The following ARHGEF11 variants were observed in gnomAD, a reference collection of about 807,000 sequenced individuals.
The protein encoded by ARHGEF11 is Rho guanine exchange factor (GEF) 11.
A neutral mutation model predicts 193.7 loss-of-function variants in ARHGEF11; 55 were observed. The observed-to-expected ratio is 0.28, with a 90% CI of 0.23 to 0.36. The LOEUF (loss-of-function observed/expected upper bound fraction) is 0.36. Among genes scored for constraint, ARHGEF11 ranks in the 10% least tolerant of loss-of-function variants. ARHGEF11 has a pLI of 1.00. For synonymous variants in ARHGEF11, 693 were observed against 768.0 expected (o/e 0.90, Z 1.62); for missense variants, 1,723 against 2,005.6 (o/e 0.86, Z 2.69).
intron 13 of ARHGEF11, among the ~76,000 whole-genome samples, chr1:156,962,063 C>T (rs944391785): frequency 3.3e-5 from 5 of 152,320 alleles, no homozygotes; most frequent in Non-Finnish European, 4.4e-5. Context: ...CCCTTTCCCA[C>T]GGGCACATCT....
At chr1:157,039,450 T>C (rs1672467024) in intron 1 of ARHGEF11, among the ~76,000 whole-genome samples, 1 of 152,218 alleles carries the variant, frequency 6.6e-6, no homozygotes, top group South Asian at 2.1e-4. Flanking sequence ...TGTTCTTTCC[T>C]CAGAACTCCA....
chr1:157,021,298 T>C (rs1178478042), intron 1 of ARHGEF11, among the ~76,000 whole-genome samples: 1 of 152,140 alleles, frequency 6.6e-6, no homozygotes, highest in Non-Finnish European at 1.5e-5. Flanking sequence ...CAAGTATGTG[T>C]CAAGTATTTG....
intron 21 of ARHGEF11, among the ~76,000 whole-genome samples, chr1:156,953,274 C>T (rs1659389990): frequency 6.6e-6 from 1 of 152,168 alleles, no homozygotes; most frequent in Non-Finnish European, 1.5e-5. Context: ...GAGACCCTCT[C>T]TCTACAAAAA....
rs59159449 is a variant in ARHGEF11, at chr1:156,962,878, C to CAAA, written c.1140+322_1140+324dup. ...TCGGCGACAGTGCGAGACTCCGTCTCAAAAAAAAAAAAAAAAAAAAAAAAA... is the reference window on the plus strand; with the variant it reads ...TCGGCGACAGTGCGAGACTCCGTCTCAAAAAAAAAAAAAAAAAAAAAAAAAAAA... On this transcript the variant is annotated intron_variant, in intron 13 of 40. Transcript: ENST00000368194. Among the ~76,000 whole-genome samples, 145 of 21,282 alleles carry CAAA rather than the reference C, an allele frequency of 6.8e-3. 22 individuals are homozygous for CAAA. The highest frequency in any genetic ancestry group is 0.02 in the African/African-American group (116 of 5,710). The allele number at this position is 21,282 out of a possible 152,430, so 14.0% of individuals were successfully genotyped here.
intron 15 of ARHGEF11, 59 bp downstream of exon 15, chr1:156,960,359 G>A: frequency 1.3e-6 from 2 of 1,571,038 alleles, no homozygotes; most frequent in South Asian, 1.1e-5. Context: ...GGAGCCTCCT[G>A]AGAGCTCAGG....
In ARHGEF11 at chr1:156,951,557, A is replaced by G. The variant is rs768760743; in HGVS notation, c.1925+16T>C. On this transcript the variant is annotated intron_variant, in intron 22 of 40. Coordinates refer to ENST00000368194, the MANE Select transcript of ARHGEF11 (RefSeq NM_198236.3). The stretch of plus-strand genomic sequence containing the variant: ...ACTCTTCGAGCAGCTGGCGAGTCCC[A>G]TCCAGCCAGTGCTACCTGTCACTCT... The G allele has an allele frequency of 2.0e-5, 33 of 1,613,432 alleles. No homozygotes were observed. The Admixed American group carries it at 5.5e-4, about 27-fold the overall frequency.
chr1:156,941,468 T>C lies in ARHGEF11; in HGVS notation c.3453-35A>G, dbSNP rs374067754. 2.6e-5 allele frequency: 41 copies of C among 1,601,890 alleles called. No individual in the cohort carries two copies. The African/African-American group carries it at 5.2e-4, about 20-fold the overall frequency. ...GAAACCAACACAGGATGAGATCCCA[T>C]GAGATTCCACCCTGGACTCATGCAT... On this transcript the variant is annotated intron_variant, in intron 34 of 40. Transcript: ENST00000368194.
intron 30 of ARHGEF11, among the ~76,000 whole-genome samples, 163 bp from the exon 31 acceptor site, chr1:156,944,596 T>A (rs112245557): frequency 2.6e-5 from 4 of 152,134 alleles, no homozygotes; most frequent in African/African-American, 9.7e-5. Context: ...AGCAAAAAGG[T>A]AACTGTGAAG....
chr1:157,031,083 CAAT>C (rs1355169768), intron 1 of ARHGEF11, among the ~76,000 whole-genome samples: 1 of 152,072 alleles, frequency 6.6e-6, no homozygotes, highest in Non-Finnish European at 1.5e-5. Context: ...TGATGGATCA[CAAT>C]AATAATAATT....
Position 156,960,460 on chromosome 1 carries a change from G to A in ARHGEF11, c.1240C>T (p.Pro414Ser). ...IWNIFLEKNA[P>S]LRVKIPEMLQ... ...ATCTCAGGGATCTTCACTCTCAGAG[G>A]CTAAAAAACAGAAGTGTGGAGCAGA... is the stretch of plus-strand genomic sequence containing the variant. The change falls in exon 15 of 41, where the codon CCT becomes TCT. Residue 414 changes from proline to serine, a missense_variant and splice_region_variant. Pro to Ser is a moderately conservative substitution (Grantham distance 74). This residue lies in a region of ARHGEF11 where 646 missense variants were observed against 710.7 expected (regional missense o/e 0.91). Coordinates refer to ENST00000368194, the MANE Select transcript of ARHGEF11 (RefSeq NM_198236.3). 1 of 1,614,062 alleles carries A rather than the reference G, an allele frequency of 6.2e-7. No homozygotes were observed. The highest frequency in any genetic ancestry group is 8.5e-7 in the Non-Finnish European group (1 of 1,179,978).
chr1:157,044,578 G>GA lies in ARHGEF11; in HGVS notation c.-249dup, dbSNP rs1160725463. On this transcript the variant is annotated 5_prime_UTR_variant, in exon 1 of 41. Coordinates refer to ENST00000368194, the MANE Select transcript of ARHGEF11 (RefSeq NM_198236.3). Reference sequence around the variant, plus strand: ...AAAAAAAAGAAAAGAAAAGAAAAAAGAAAAAAAAAGGAAAAGAGGAAAAAC... The same window carrying GA: ...AAAAAAAAGAAAAGAAAAGAAAAAAGAAAAAAAAAAGGAAAAGAGGAAAAAC... 153 of 419,388 alleles carry GA rather than the reference G, an allele frequency of 3.6e-4. No homozygotes were observed. Among genetic ancestry groups the GA allele is most frequent in the South Asian group, 1.5e-3 (20 of 13,020 alleles). The allele number at this position is 419,388 out of a possible 1,614,324, so 26.0% of individuals were successfully genotyped here. A position where few individuals can be genotyped will look rare whatever the true frequency, so the allele number is the denominator to read the frequency against.
chr1:156,949,221 G>T, intron 22 of ARHGEF11: 1 of 524,440 alleles, frequency 1.9e-6, no homozygotes, highest in Non-Finnish European at 2.4e-6. Context: ...GGCCTGCCGT[G>T]CTTGGCTACT....
intron 8 of ARHGEF11, 78 bp downstream of exon 8, chr1:156,971,619 C>T (rs1276173232): frequency 3.3e-6 from 5 of 1,532,630 alleles, no homozygotes; most frequent in African/African-American, 2.7e-5. Context: ...AAGAAGCCTT[C>T]TGTCCTTGCT....
chr1:156,958,857 G>A lies in ARHGEF11; in HGVS notation c.1387C>T (p.Arg463Cys), dbSNP rs771043193. Residue 463 changes from arginine to cysteine, a missense_variant, in exon 17 of 41, where the codon CGC becomes TGC. By Grantham distance (180) the Arg-to-Cys change is radical. Transcript: ENST00000368194. ...QEQIHDYRTKRTLGLGSLYGE... is the reference protein window; with the variant it reads ...QEQIHDYRTKCTLGLGSLYGE... ...TACAGGCTGCCCAGCCCCAGTGTGC[G>A]CTTCGTTCTAAGCCAGATAAACACA... 9 of 1,614,062 alleles carry A rather than the reference G, an allele frequency of 5.6e-6. No individual in the cohort carries two copies. Among genetic ancestry groups the A allele is most frequent in the Admixed American group, 1.7e-5 (1 of 59,994 alleles).
chr1:156,961,888 G>C, intron 13 of ARHGEF11, 113 bp from the exon 14 acceptor site: 1 of 854,110 alleles, frequency 1.2e-6, no homozygotes, highest in South Asian at 1.4e-5. Flanking sequence ...CAACTACTGG[G>C]CAAGTGCGGT....
intron 21 of ARHGEF11, among the ~76,000 whole-genome samples, chr1:156,954,027 C>T (rs112644985): frequency 1.1e-3 from 175 of 152,210 alleles, no homozygotes; most frequent in African/African-American, 3.9e-3. Context: ...CCATACTTTA[C>T]ATAAAAAATA....
intron 1 of ARHGEF11, among the ~76,000 whole-genome samples, chr1:157,007,954 C>G (rs1668048527): frequency 5.7e-4 from 2 of 3,538 alleles, no homozygotes; most frequent in Non-Finnish European, 0.071. Flanking sequence ...GTTACAGCTC[C>G]AATGTTTACA....
Position 156,986,099 on chromosome 1 carries a change from T to C in ARHGEF11, c.107A>G (p.Asp36Gly). The C allele has an allele frequency of 6.2e-7, 1 of 1,613,928 alleles. No homozygotes were observed. The highest frequency in any genetic ancestry group is 8.5e-7 in the Non-Finnish European group (1 of 1,179,892). The change falls in exon 2 of 41, where the codon GAT becomes GGT. Residue 36 changes from aspartate to glycine, a missense_variant. Coordinates refer to ENST00000368194, the MANE Select transcript of ARHGEF11 (RefSeq NM_198236.3). ...GAGGTTACCTGTTGTCTCAGAGGCA[T>C]CCGAAGGCTGGCGATGGTGGGAAGG... ...KSPSHHRQPS[D>G]ASETTGLVQR...
chr1:156,938,017 G>A (rs1330989630), intron 38 of ARHGEF11, among the ~76,000 whole-genome samples: 1 of 152,216 alleles, frequency 6.6e-6, no homozygotes, highest in Admixed American at 6.5e-5. Context: ...AGGAAGCACA[G>A]AGAACCACCG....
Sources: allele counts gnomAD v4.1 joint callset (sites outside exome capture counted in the v4.1 genomes callset), GRCh38; gene constraint gnomAD v4.1.1; regional missense constraint gnomAD v4.1.1; transcripts MANE v1.5; gene names NCBI Gene and HGNC (gene_info 2026-07-23, HGNC 2026-07-21).